OCA2: variants seen among roughly 807,000 people sequenced by gnomAD.
OCA2 encodes P protein.
OCA2 carries 77 observed loss-of-function variants against 100.2 expected under a neutral mutation model. The observed-to-expected ratio is 0.77, with a 90% CI of 0.64 to 0.93. The LOEUF (loss-of-function observed/expected upper bound fraction) is 0.93, where lower values mean the gene tolerates loss of function less well. Ranked by LOEUF, OCA2 falls within the 40% of genes least tolerant of loss-of-function variation. OCA2 has a pLI of 0.00. For synonymous variants in OCA2, 432 were observed against 439.2 expected, an observed-to-expected ratio of 0.98 and a Z score of 0.21; for missense variants, 1,062 against 1,089.1, an observed-to-expected ratio of 0.98 and a Z score of 0.35.
chr15:27,985,274 C>T, intron 12 of OCA2, 86 bp from the exon 13 acceptor site: 6 of 1,520,118 alleles, frequency 3.9e-6, no homozygotes, highest in African/African-American at 1.4e-5. Flanking sequence ...ACTTTAAGAA[C>T]AGGGAGCCAA....
At chr15:27,811,401 T>C (rs1186247597) in intron 23 of OCA2, among the ~76,000 whole-genome samples, 4 of 152,098 alleles carry the variant, frequency 2.6e-5, no homozygotes, top group Non-Finnish European at 4.4e-5. Context: ...AAAAATTACA[T>C]ATTGGGTACA....
intron 2 of OCA2, among the ~76,000 whole-genome samples, chr15:28,064,670 G>A (rs1433045231): frequency 6.6e-6 from 1 of 151,614 alleles, no homozygotes; most frequent in Non-Finnish European, 1.5e-5. Context: ...TTCATACGGT[G>A]TTTTTCTTAT....
chr15:27,995,529 A>T (rs965173189), intron 9 of OCA2, among the ~76,000 whole-genome samples: 1 of 150,962 alleles, frequency 6.6e-6, no homozygotes, highest in African/African-American at 2.4e-5. Flanking sequence ...AGTAACTAGG[A>T]CTACAAGTGT....
chr15:27,748,425 G>C, the OCA2 span, among the ~76,000 whole-genome samples: 1 of 152,174 alleles, frequency 6.6e-6, no homozygotes, highest in Non-Finnish European at 1.5e-5. Flanking sequence ...GCAGGGAGCA[G>C]TGGAAGCATC....
chr15:28,040,512 T>C (rs1456837745), intron 2 of OCA2, among the ~76,000 whole-genome samples: 1 of 151,754 alleles, frequency 6.6e-6, no homozygotes, highest in Non-Finnish European at 1.5e-5. Flanking sequence ...AGAGAGGAGA[T>C]CTGTAGTGAA....
chr15:27,941,506 C>A (rs997633717), intron 18 of OCA2, among the ~76,000 whole-genome samples: 6 of 151,724 alleles, frequency 4.0e-5, no homozygotes, highest in Non-Finnish European at 7.3e-5. Flanking sequence ...GCTCTACCCC[C>A]AAATTCATTA....
intron 19 of OCA2, among the ~76,000 whole-genome samples, chr15:27,901,650 T>C (rs1245057823): frequency 1.3e-5 from 2 of 152,214 alleles, no homozygotes; most frequent in Non-Finnish European, 2.9e-5. Flanking sequence ...GTTCCTTACA[T>C]GACTGTTTCA....
chr15:28,019,078 G>A (rs2042502089), intron 6 of OCA2, among the ~76,000 whole-genome samples: 2 of 152,160 alleles, frequency 1.3e-5, no homozygotes, highest in Non-Finnish European at 2.9e-5. Flanking sequence ...GGTTGGAGAA[G>A]CTAGGAGGGT....
chr15:27,742,416 G>A, the OCA2 span, among the ~76,000 whole-genome samples: 1 of 152,140 alleles, frequency 6.6e-6, no homozygotes, highest in African/African-American at 2.4e-5. Context: ...CAGACCAACT[G>A]TGCATAGGTC....
chr15:27,874,314 A>G (rs1414353999), intron 19 of OCA2, among the ~76,000 whole-genome samples: 1 of 152,200 alleles, frequency 6.6e-6, no homozygotes, highest in African/African-American at 2.4e-5. Flanking sequence ...GAGGCTGATC[A>G]AGCACTGAAG....
chr15:28,005,829 C>G (rs2042075574), intron 9 of OCA2, among the ~76,000 whole-genome samples: 1 of 152,194 alleles, frequency 6.6e-6, no homozygotes, highest in East Asian at 1.9e-4. Context: ...AATCAGCCTA[C>G]TGCACCTTTT....
chr15:27,816,042 G>A (rs191560353), intron 23 of OCA2, among the ~76,000 whole-genome samples: 8 of 152,298 alleles, frequency 5.3e-5, no homozygotes, highest in South Asian at 2.1e-4. Flanking sequence ...GCTGAGGCAG[G>A]GGAATCACTT....
chr15:27,880,479 C>T (rs1334298470), intron 19 of OCA2, among the ~76,000 whole-genome samples: 1 of 152,174 alleles, frequency 6.6e-6, no homozygotes, highest in Non-Finnish European at 1.5e-5. Flanking sequence ...ATTCTTCTTC[C>T]TATCCATGAA....
At chr15:28,097,398 C>A (rs2045006122) in intron 1 of OCA2, among the ~76,000 whole-genome samples, 1 of 152,248 alleles carries the variant, frequency 6.6e-6, no homozygotes, top group Admixed American at 6.5e-5. Context: ...GCTGAGGGAG[C>A]TCCGGCTTGT....
At chr15:27,752,754 A>T (rs8038174), downstream of OCA2, among the ~76,000 whole-genome samples, 11,402 of 110,040 alleles carry the variant, frequency 0.1, 832 homozygotes, top group Middle Eastern at 0.21. Context: ...GCTCCCGTCC[A>T]GTCCCTCTGG....
intron 14 of OCA2, among the ~76,000 whole-genome samples, chr15:27,973,150 G>A (rs2122008): frequency 0.53 from 80,937 of 151,958 alleles, 25,126 homozygotes; most frequent in Non-Finnish European, 0.72. Flanking sequence ...GATTACAGGC[G>A]TGAGCCACCA....
chr15:27,996,748 A>G (rs2041740209), intron 9 of OCA2, among the ~76,000 whole-genome samples: 1 of 152,142 alleles, frequency 6.6e-6, no homozygotes, highest in African/African-American at 2.4e-5. Flanking sequence ...ATCAAGAAAA[A>G]ATAGAAAACC....
chr15:28,072,985 T>A (rs1266000026), intron 2 of OCA2, among the ~76,000 whole-genome samples: 1 of 152,196 alleles, frequency 6.6e-6, no homozygotes, highest in African/African-American at 2.4e-5. Context: ...TACCAAAAAT[T>A]CATGCACTCA....
intron 9 of OCA2, among the ~76,000 whole-genome samples, chr15:28,004,763 T>TCA (rs1370743323): frequency 6.6e-6 from 1 of 151,798 alleles, no homozygotes; most frequent in Admixed American, 6.6e-5. Context: ...ACACATGGTC[T>TCA]CACACACACA....
Sources: gnomAD v4.1 joint callset for allele counts (sites outside exome capture counted in the v4.1 genomes callset) on GRCh38, gnomAD v4.1.1 for gene constraint, MANE v1.5 for transcripts, NCBI Gene and HGNC (gene_info 2026-07-23, HGNC 2026-07-21) for gene names.